Variants in OSBPL1A observed in about 807,000 individuals in gnomAD.
OSBPL1A encodes the protein oxysterol-binding protein-related protein 1.
Under a neutral mutation model 137.1 loss-of-function variants are expected in OSBPL1A, and 80 were observed. The observed-to-expected ratio is 0.58, with a 90% CI of 0.49 to 0.70. The LOEUF (loss-of-function observed/expected upper bound fraction) is 0.70. Among genes scored for constraint, OSBPL1A ranks in the 30% least tolerant of loss-of-function variants. The probability of loss-of-function intolerance (pLI) is 0.00; values close to 1 mark genes in which losing one functional copy is unlikely to be tolerated. For synonymous variants in OSBPL1A, 365 were observed against 389.7 expected (o/e 0.94, Z 0.75); for missense variants, 970 against 1,129.4 (o/e 0.86, Z 2.02).
intron 15 of OSBPL1A, among the ~76,000 whole-genome samples, chr18:24,261,128 T>G (rs774115417): frequency 5.9e-5 from 9 of 152,136 alleles, no homozygotes; most frequent in Non-Finnish European, 1.3e-4. Flanking sequence ...ATAACTATGC[T>G]GAGTTAAAGA....
chr18:24,318,645 C>T lies in OSBPL1A; in HGVS notation c.688G>A (p.Val230Ile), dbSNP rs1290430410. The T allele has an allele frequency of 1.9e-6, 3 of 1,609,398 alleles. No homozygotes were observed. The highest frequency in any genetic ancestry group is 3.4e-5 in the Admixed American group (2 of 59,688). ...EMKHILVGNK[V>I]IYKALKRYEG... ...TATCGTTTCAATGCTTTGTAGATGA[C>T]CTGTCAAAAACATGTTTTCATGAAA... The change falls in exon 9 of 28, where the codon GTC becomes ATC. Residue 230 changes from valine to isoleucine, a missense_variant and splice_region_variant. Physicochemically the swap from Val to Ile is conservative, Grantham distance 29. Coordinates refer to ENST00000319481, the MANE Select transcript of OSBPL1A (RefSeq NM_080597.4).
At chr18:24,245,808 C>T (rs1158397527) in intron 15 of OSBPL1A, among the ~76,000 whole-genome samples, 1 of 152,206 alleles carries the variant, frequency 6.6e-6, no homozygotes, top group East Asian at 1.9e-4. Context: ...CTAATGTCCT[C>T]CTTCCATCTC....
intron 11 of OSBPL1A, among the ~76,000 whole-genome samples, chr18:24,315,546 T>G (rs935898102): frequency 5.6e-5 from 8 of 143,666 alleles, no homozygotes; most frequent in South Asian, 2.1e-4. Context: ...AACTCAACAT[T>G]CATAATATTA....
At chr18:24,276,532 T>C (rs955524187) in intron 15 of OSBPL1A, among the ~76,000 whole-genome samples, 1 of 152,158 alleles carries the variant, frequency 6.6e-6, no homozygotes, top group African/African-American at 2.4e-5. Context: ...CTCCGCCTCC[T>C]GGGTTCAATG....
chr18:24,288,570 C>G (rs910029252), intron 14 of OSBPL1A, among the ~76,000 whole-genome samples: 1 of 151,858 alleles, frequency 6.6e-6, no homozygotes, highest in African/African-American at 2.4e-5. Context: ...AAGTTCGAGA[C>G]TAGCCTGGCC....
At chr18:24,396,942 G>T (rs975130779) in intron 1 of OSBPL1A, among the ~76,000 whole-genome samples, 1 of 152,118 alleles carries the variant, frequency 6.6e-6, no homozygotes, top group African/African-American at 2.4e-5. Flanking sequence ...ACTATTCACA[G>T]ACACCTAATA....
chr18:24,269,506 C>T (rs1490921871), intron 15 of OSBPL1A, among the ~76,000 whole-genome samples: 2 of 152,094 alleles, frequency 1.3e-5, no homozygotes, highest in African/African-American at 4.8e-5. Flanking sequence ...TGAAGACAGA[C>T]TGGTCTAGCA....
At chr18:24,225,283 G>C in intron 16 of OSBPL1A, 85 bp from the exon 17 acceptor site, 1 of 1,460,826 alleles carries the variant, frequency 6.8e-7, no homozygotes, top group Non-Finnish European at 9.4e-7. Context: ...CATGCCTCAG[G>C]CTTTGAAACC....
intron 24 of OSBPL1A, 54 bp downstream of exon 24, chr18:24,170,273 G>A (rs2086243018): frequency 1.2e-6 from 2 of 1,606,522 alleles, no homozygotes; most frequent in Middle Eastern, 1.7e-4. Context: ...AAAAGGATTA[G>A]TACACATTGA....
chr18:24,370,459 G>C (rs531541409), intron 2 of OSBPL1A, among the ~76,000 whole-genome samples: 1 of 152,174 alleles, frequency 6.6e-6, no homozygotes, highest in South Asian at 2.1e-4. Flanking sequence ...TCAGCACCCT[G>C]GTCTCTCACT....
At chr18:24,357,139 T>C (rs978639870) in intron 4 of OSBPL1A, 3 of 152,144 alleles carry the variant, frequency 2.0e-5, no homozygotes, top group African/African-American at 7.2e-5. Context: ...TCATTTTAGA[T>C]TTATTTGCCA....
intron 15 of OSBPL1A, among the ~76,000 whole-genome samples, chr18:24,251,354 C>T (rs2089089754): frequency 6.6e-6 from 1 of 152,140 alleles, no homozygotes; most frequent in African/African-American, 2.4e-5. Flanking sequence ...TTAGTGGTGG[C>T]CACATGGGTG....
At position 24,341,603 on chromosome 18, in the gene OSBPL1A, C is replaced by G. The variant is rs1211301659; in HGVS notation, c.338G>C (p.Ser113Thr). 2 of 1,613,326 alleles carry G rather than the reference C, an allele frequency of 1.2e-6. No homozygotes were observed. The highest frequency in any genetic ancestry group is 1.1e-5 in the South Asian group (1 of 91,028). Reference protein sequence around the residue: ...YNADTTIVNGSGQTAKEVTHA... With the variant: ...YNADTTIVNGTGQTAKEVTHA... ...AGTAACTTCTTTTGCTGTCTGTCCA[C>G]TCCCATTAACAATAGTAGTATCAGC... Residue 113 changes from serine (S) to threonine (T), a missense_variant, in exon 5 of 28, where the codon AGT becomes ACT. This residue lies in a region of OSBPL1A where 647 missense variants were observed against 672.6 expected (regional missense o/e 0.96). Coordinates refer to ENST00000319481, the MANE Select transcript of OSBPL1A (RefSeq NM_080597.4).
chr18:24,350,840 T>A (rs1433815714), intron 4 of OSBPL1A, among the ~76,000 whole-genome samples: 2 of 152,140 alleles, frequency 1.3e-5, no homozygotes, highest in African/African-American at 4.8e-5. Flanking sequence ...AAAAAAAATA[T>A]TTCCCATGCA....
At chr18:24,359,562 C>T (rs926170355) in intron 4 of OSBPL1A, among the ~76,000 whole-genome samples, 6 of 151,804 alleles carry the variant, frequency 4.0e-5, no homozygotes, top group Admixed American at 6.6e-5. Flanking sequence ...GGTACAGTGG[C>T]GCACGCGTAT....
At position 24,181,520 on chromosome 18, in the gene OSBPL1A, G is replaced by T. The variant is rs143311746; in HGVS notation, c.1678-241C>A. On this transcript the variant is annotated intron_variant, in intron 18 of 27. Transcript: ENST00000319481. ...CCCAAACATTCTCCTTGGCTCCAGG[G>T]AGCTCACTACCTGCTGGTGAGCATG... Among the ~76,000 whole-genome samples, 738 of 152,264 alleles carry T rather than the reference G, an allele frequency of 4.8e-3. 8 individuals carry two copies. Among genetic ancestry groups the T allele is most frequent in the African/African-American group, 0.017 (706 of 41,548 alleles).
At chr18:24,383,914 G>T (rs1169112161) in intron 1 of OSBPL1A, among the ~76,000 whole-genome samples, 1 of 152,160 alleles carries the variant, frequency 6.6e-6, no homozygotes, top group East Asian at 1.9e-4. Flanking sequence ...GGCACTGGAG[G>T]TACCATGATG....
Position 24,181,176 on chromosome 18 carries a change from C to G in OSBPL1A, c.1781G>C (p.Ser594Thr), listed in dbSNP as rs1741312197. Residue 594 changes from serine (S) to threonine (T), a missense_variant, in exon 19 of 28, where the codon AGT becomes ACT. Coordinates refer to ENST00000319481, the MANE Select transcript of OSBPL1A (RefSeq NM_080597.4). The part of the protein sequence containing the change: ...MEHTYLIHKA[S>T]SLSDPVERMQ... ...CCTTTCCACAGGATCAGAGAGTGAA[C>G]TGGCCTTGTGGATGAGGTAAGTATG... is the stretch of plus-strand genomic sequence containing the variant. The G allele has an allele frequency of 6.2e-7, 1 of 1,614,082 alleles. No individual in the cohort carries two copies. Among genetic ancestry groups the G allele is most frequent in the African/African-American group, 1.3e-5 (1 of 75,058 alleles).
intron 1 of OSBPL1A, among the ~76,000 whole-genome samples, chr18:24,382,377 A>G (rs954705352): frequency 2.1e-5 from 3 of 146,148 alleles, no homozygotes; most frequent in Non-Finnish European, 4.4e-5. Context: ...ACCGCACTCT[A>G]GCCTGGGCAA....
Sources: allele counts gnomAD v4.1 joint callset (sites outside exome capture counted in the v4.1 genomes callset), GRCh38; gene constraint gnomAD v4.1.1; regional missense constraint gnomAD v4.1.1; transcripts MANE v1.5; gene names NCBI Gene and HGNC (gene_info 2026-07-23, HGNC 2026-07-21).